WWOX: variants seen among roughly 807,000 people sequenced by gnomAD.
WWOX encodes the protein WW domain-containing oxidoreductase.
In WWOX, 69 loss-of-function variants were observed where a neutral mutation model predicts 46.2. That is an observed-to-expected ratio of 1.49 (90% CI 1.23 to 1.82). The LOEUF (loss-of-function observed/expected upper bound fraction) is 1.82, where lower values mean the gene tolerates loss of function less well. Ranked by LOEUF, WWOX falls within the 40% of genes most tolerant of loss-of-function variation. The probability of loss-of-function intolerance (pLI) is 0.00; values close to 1 mark genes in which losing one functional copy is unlikely to be tolerated. For missense variants in WWOX, 919 were observed against 542.6 expected (o/e 1.69, Z -6.89); for synonymous variants, 359 against 202.6 (o/e 1.77, Z -6.56).
intron 8 of WWOX, among the ~76,000 whole-genome samples, chr16:78,468,403 A>T (rs778157949): frequency 6.6e-6 from 1 of 152,014 alleles, no homozygotes; most frequent in Non-Finnish European, 1.5e-5. Flanking sequence ...AACGGCAAAA[A>T]AGAGAATTGC....
chr16:78,103,128 T>C (rs1433823280), intron 1 of WWOX, among the ~76,000 whole-genome samples: 1 of 152,140 alleles, frequency 6.6e-6, no homozygotes, highest in Admixed American at 6.5e-5. Flanking sequence ...ATCTGCTTTC[T>C]TCCTGAGTGG....
chr16:79,122,174 C>G (rs1245738826), intron 8 of WWOX, among the ~76,000 whole-genome samples: 1 of 152,118 alleles, frequency 6.6e-6, no homozygotes, highest in Non-Finnish European at 1.5e-5. Context: ...CCGCCACTTG[C>G]TTCTAAACCT....
At chr16:78,967,350 C>T (rs573856826) in intron 8 of WWOX, among the ~76,000 whole-genome samples, 8 of 121,486 alleles carry the variant, frequency 6.6e-5, no homozygotes, top group African/African-American at 2.5e-4. Context: ...AGTGCAGTGG[C>T]ATGATCATGG....
rs748965500 is a variant in WWOX at position 79,026,614 on chromosome 16, CTTT to C, written c.1057-184975_1057-184973del. ...CACAGAGCCTGGCATGTGGTAGACTCTTTTTTTTTTTTTTTTTTTTTGAGATGG... is the reference window on the plus strand; with the variant it reads ...CACAGAGCCTGGCATGTGGTAGACTCTTTTTTTTTTTTTTTTTTGAGATGG... On this transcript the variant is annotated intron_variant, in intron 8 of 8. Transcript: ENST00000566780. Among the ~76,000 whole-genome samples the C allele has an allele frequency of 7.9e-4, 80 of 101,090 alleles. 1 individual carries two copies. Among genetic ancestry groups the C allele is most frequent in the African/African-American group, 3.2e-3 (78 of 24,462 alleles). 66.3% of individuals were successfully genotyped at this position (101,090 alleles called of 152,430 possible).
At chr16:79,050,046 T>G (rs943420202) in intron 8 of WWOX, among the ~76,000 whole-genome samples, 14 of 152,010 alleles carry the variant, frequency 9.2e-5, no homozygotes, top group African/African-American at 3.4e-4. Flanking sequence ...TGGGAGGAGT[T>G]TAAACAGGTC....
intron 8 of WWOX, among the ~76,000 whole-genome samples, chr16:78,867,006 C>G (rs1303964174): frequency 6.6e-6 from 1 of 152,182 alleles, no homozygotes; most frequent in Non-Finnish European, 1.5e-5. Flanking sequence ...CATAAACGCT[C>G]CTATTGCAGG....
At chr16:78,163,715 C>A in intron 4 of WWOX, among the ~76,000 whole-genome samples, 1 of 152,290 alleles carries the variant, frequency 6.6e-6, no homozygotes. Flanking sequence ...CTAGGTAACA[C>A]TGGTAGAAGC....
At chr16:78,620,389 C>A (rs374311154) in intron 8 of WWOX, among the ~76,000 whole-genome samples, 1 of 152,094 alleles carries the variant, frequency 6.6e-6, no homozygotes, top group Admixed American at 6.6e-5. Context: ...CCAACAGACT[C>A]GTGTAGAAGT....
intron 8 of WWOX, among the ~76,000 whole-genome samples, chr16:78,601,733 C>G (rs1165341755): frequency 6.6e-6 from 1 of 152,098 alleles, no homozygotes; most frequent in East Asian, 1.9e-4. Context: ...CTGGAAGGAA[C>G]AAAGGATTAA....
chr16:79,035,569 C>T (rs922826427), intron 8 of WWOX, among the ~76,000 whole-genome samples: 16 of 152,070 alleles, frequency 1.1e-4, no homozygotes, highest in Admixed American at 9.8e-4. Context: ...GATGGAGTCT[C>T]ACTCTATCAT....
intron 8 of WWOX, among the ~76,000 whole-genome samples, chr16:78,594,798 C>G (rs866166428): frequency 6.6e-6 from 1 of 152,116 alleles, no homozygotes; most frequent in South Asian, 2.1e-4. Context: ...ACTCTATAGC[C>G]TCAGTCTCTC....
chr16:78,379,264 T>C (rs1331470542), intron 5 of WWOX, among the ~76,000 whole-genome samples: 3 of 152,214 alleles, frequency 2.0e-5, no homozygotes, highest in Non-Finnish European at 4.4e-5. Context: ...GAGGGGTAGA[T>C]ACACTGCCAT....
chr16:79,149,120 G>A (rs1355151838), intron 8 of WWOX, among the ~76,000 whole-genome samples: 1 of 152,070 alleles, frequency 6.6e-6, no homozygotes, highest in Non-Finnish European at 1.5e-5. Context: ...TCTTAGGGAG[G>A]GGGAAGTTAT....
chr16:78,757,574 T>C (rs1167035147), intron 8 of WWOX, among the ~76,000 whole-genome samples: 1 of 152,192 alleles, frequency 6.6e-6, no homozygotes, highest in East Asian at 1.9e-4. Flanking sequence ...AAGTGCCGTA[T>C]TAAAGCAGGT....
intron 8 of WWOX, among the ~76,000 whole-genome samples, chr16:78,607,111 G>C (rs2045778325): frequency 6.6e-6 from 1 of 151,826 alleles, no homozygotes; most frequent in Admixed American, 6.6e-5. Context: ...GATTCAGATT[G>C]GATGAAAAGT....
At chr16:78,782,591 A>G (rs2050357204) in intron 8 of WWOX, among the ~76,000 whole-genome samples, 2 of 151,544 alleles carry the variant, frequency 1.3e-5, no homozygotes, top group Admixed American at 6.6e-5. Flanking sequence ...AGAGGATTCC[A>G]TCTTTATTCT....
At chr16:78,489,429 C>G (rs72801923) in intron 8 of WWOX, among the ~76,000 whole-genome samples, 9,166 of 152,174 alleles carry the variant, frequency 0.06, 354 homozygotes, top group Non-Finnish European at 0.089. Flanking sequence ...ATTTCAGTGT[C>G]TACAAAATGT....
intron 8 of WWOX, among the ~76,000 whole-genome samples, chr16:79,115,154 C>G (rs1251830221): frequency 6.6e-6 from 1 of 152,206 alleles, no homozygotes; most frequent in African/African-American, 2.4e-5. Context: ...TCCCCATGTT[C>G]TTAGTCAGTA....
At chr16:78,553,067 G>A (rs902672557) in intron 8 of WWOX, 4 of 152,218 alleles carry the variant, frequency 2.6e-5, no homozygotes, top group African/African-American at 9.7e-5. Context: ...GTAAGTGGGA[G>A]CTGAACAATG....
Sources: gnomAD v4.1 joint callset for allele counts (sites outside exome capture counted in the v4.1 genomes callset) on GRCh38, gnomAD v4.1.1 for gene constraint, MANE v1.5 for transcripts, NCBI Gene and HGNC (gene_info 2026-07-23, HGNC 2026-07-21) for gene names.